Variants in MYO3B observed in about 807,000 individuals in gnomAD.
The protein encoded by MYO3B is myosin IIIB.
In MYO3B, 156 loss-of-function variants were observed where a neutral mutation model predicts 174.6. The observed-to-expected ratio is 0.89, with a 90% confidence interval of 0.78 to 1.02. The LOEUF is 1.02. Among genes scored for constraint, MYO3B ranks in the 50% least tolerant of loss-of-function variants. MYO3B has a pLI of 0.00. For missense variants in MYO3B, 1,632 were observed against 1,639.4 expected (o/e 1.00, Z 0.08); for synonymous variants, 563 against 569.1 (o/e 0.99, Z 0.15).
intron 32 of MYO3B, among the ~76,000 whole-genome samples, chr2:170,564,705 C>T (rs929172152): frequency 5.3e-5 from 8 of 151,816 alleles, no homozygotes; most frequent in Middle Eastern, 3.4e-3. Context: ...TCCAACAATT[C>T]GCTCAGAATC....
chr2:170,373,627 A>G (rs1348780268), intron 9 of MYO3B, among the ~76,000 whole-genome samples: 3 of 152,120 alleles, frequency 2.0e-5, no homozygotes, highest in African/African-American at 7.2e-5. Flanking sequence ...GGAAGGATAT[A>G]TATAGAGAGG....
chr2:170,597,592 C>T (rs1694237711), intron 32 of MYO3B, among the ~76,000 whole-genome samples: 1 of 151,976 alleles, frequency 6.6e-6, no homozygotes, highest in Non-Finnish European at 1.5e-5. Context: ...CAGTGAATTT[C>T]CTTTTTGCAT....
chr2:170,497,617 C>A (rs139616671), intron 25 of MYO3B, among the ~76,000 whole-genome samples: 17 of 148,646 alleles, frequency 1.1e-4, no homozygotes, highest in Middle Eastern at 3.5e-3. Context: ...GACTCAGTCT[C>A]AAAAAAAAAA....
intron 23 of MYO3B, among the ~76,000 whole-genome samples, chr2:170,450,567 C>CT (rs59764371): frequency 1.6e-4 from 24 of 147,572 alleles, no homozygotes; most frequent in East Asian, 3.9e-4. Context: ...TCTCCCCTCC[C>CT]TTTTTTTTTT....
intron 25 of MYO3B, among the ~76,000 whole-genome samples, chr2:170,469,087 G>C (rs1684815399): frequency 6.6e-6 from 1 of 152,162 alleles, no homozygotes. Context: ...AGTGAGCCAA[G>C]ATCGTGCCAC....
chr2:170,417,634 C>T (rs533991410), intron 22 of MYO3B, among the ~76,000 whole-genome samples: 2 of 152,316 alleles, frequency 1.3e-5, no homozygotes, highest in African/African-American at 4.8e-5. Flanking sequence ...TTCCAGGCCT[C>T]TCTCCTGGCT....
intron 6 of MYO3B, among the ~76,000 whole-genome samples, chr2:170,235,132 C>A (rs2093056287): frequency 6.6e-6 from 1 of 152,194 alleles, no homozygotes; most frequent in African/African-American, 2.4e-5. Flanking sequence ...TGTTTTGGAT[C>A]ATCAGACATT....
chr2:170,258,966 A>C (rs1253358884), intron 7 of MYO3B, among the ~76,000 whole-genome samples: 1 of 152,144 alleles, frequency 6.6e-6, no homozygotes, highest in East Asian at 1.9e-4. Flanking sequence ...TCCAATTTAC[A>C]ATACACACAC....
intron 7 of MYO3B, among the ~76,000 whole-genome samples, chr2:170,240,204 T>C (rs1242631019): frequency 1.3e-5 from 2 of 152,200 alleles, no homozygotes; most frequent in African/African-American, 2.4e-5. Flanking sequence ...GACATATCTT[T>C]TGGGGTTCAC....
chr2:170,327,650 C>A (rs2093878685), intron 7 of MYO3B, among the ~76,000 whole-genome samples: 1 of 151,928 alleles, frequency 6.6e-6, no homozygotes, highest in African/African-American at 2.4e-5. Flanking sequence ...AGGGATTGAC[C>A]CTGATTGGGA....
chr2:170,403,052 C>T (rs2094488324), intron 19 of MYO3B, 57 bp downstream of exon 19: 2 of 1,500,718 alleles, frequency 1.3e-6, no homozygotes, highest in South Asian at 1.3e-5. Flanking sequence ...CTCCAAGCTG[C>T]CCACAATTTG....
chr2:170,588,168 A>G (rs1693602824), intron 32 of MYO3B, among the ~76,000 whole-genome samples: 1 of 152,058 alleles, frequency 6.6e-6, no homozygotes, highest in African/African-American at 2.4e-5. Flanking sequence ...TTGGTGACTC[A>G]CTTCTGTAAT....
intron 29 of MYO3B, among the ~76,000 whole-genome samples, chr2:170,516,568 G>A (rs1159026263): frequency 4.0e-5 from 6 of 151,168 alleles, no homozygotes; most frequent in Non-Finnish European, 5.9e-5. Flanking sequence ...GTGTGAACCC[G>A]TGAGGCAGAG....
chr2:170,411,526 A>T (rs55912392), intron 22 of MYO3B, among the ~76,000 whole-genome samples: 7 of 152,136 alleles, frequency 4.6e-5, no homozygotes, highest in Admixed American at 1.3e-4. Context: ...ATAATGTTAC[A>T]GGACCACCAG....
At chr2:170,208,452 G>A (rs992892973) in intron 3 of MYO3B, among the ~76,000 whole-genome samples, 1 of 152,172 alleles carries the variant, frequency 6.6e-6, no homozygotes, top group Non-Finnish European at 1.5e-5. Flanking sequence ...AAAACTCTGG[G>A]TGATGGGCAC....
chr2:170,550,971 TC>T (rs1365245684), intron 32 of MYO3B, among the ~76,000 whole-genome samples: 8 of 152,200 alleles, frequency 5.3e-5, no homozygotes, highest in African/African-American at 1.7e-4. Flanking sequence ...TGATCTCACC[TC>T]ACTGCAACCT....
At chr2:170,275,839 G>A (rs1388860669) in intron 7 of MYO3B, among the ~76,000 whole-genome samples, 1 of 152,000 alleles carries the variant, frequency 6.6e-6, no homozygotes, top group Non-Finnish European at 1.5e-5. Flanking sequence ...TTTATATTTT[G>A]TTCACACAGA....
chr2:170,504,782 G>A (rs1687514752), intron 28 of MYO3B, among the ~76,000 whole-genome samples: 1 of 152,108 alleles, frequency 6.6e-6, no homozygotes, highest in Admixed American at 6.6e-5. Context: ...ACTTTCAACT[G>A]GGTGAGAAAT....
Position 170,369,393 on chromosome 2 carries a change from T to C in MYO3B, c.971+16T>C. 1 of 1,604,034 alleles carries C rather than the reference T, an allele frequency of 6.2e-7. No individual in the cohort carries two copies. The highest frequency in any genetic ancestry group is 1.1e-5 in the South Asian group (1 of 90,044). On this transcript the variant is annotated intron_variant, in intron 9 of 34. Transcript: ENST00000408978. Reference sequence around the variant, plus strand: ...CTAAAACCAGGTACTGTACTCTCTTTCTTCTTTCTCCCTGTGGTTGTTTAT... The same window carrying C: ...CTAAAACCAGGTACTGTACTCTCTTCCTTCTTTCTCCCTGTGGTTGTTTAT...
Sources: allele counts gnomAD v4.1 joint callset (sites outside exome capture counted in the v4.1 genomes callset), GRCh38; gene constraint gnomAD v4.1.1; transcripts MANE v1.5; gene names NCBI Gene and HGNC (gene_info 2026-07-23, HGNC 2026-07-21).